The following PDE4D variants were observed in gnomAD, a reference collection of about 807,000 sequenced individuals.
The protein encoded by PDE4D is phosphodiesterase 4D.
PDE4D carries 24 observed loss-of-function variants against 87.4 expected under a neutral mutation model. The observed-to-expected ratio is 0.27, with a 90% CI of 0.20 to 0.39. The LOEUF (loss-of-function observed/expected upper bound fraction) is 0.39. PDE4D is among the 10% of genes least tolerant of loss of function. PDE4D has a pLI of 1.00. For missense variants in PDE4D, 714 were observed against 1,041.0 expected (o/e 0.69, Z 4.32); for synonymous variants, 384 against 383.2 (o/e 1.00, Z -0.02).
rs1270769526 is a variant in PDE4D, at chr5:59,385,187, A to G, written c.456-169219T>C. On this transcript the variant is annotated intron_variant, in intron 1 of 14. Coordinates refer to ENST00000340635, the MANE Select transcript of PDE4D (RefSeq NM_001104631.2). Reference sequence around the variant, plus strand: ...TTTCTAGGCCCGCTAGAAATCTGACATCCTAAGCATTCTTTCTGTTATTTC... The same window carrying G: ...TTTCTAGGCCCGCTAGAAATCTGACGTCCTAAGCATTCTTTCTGTTATTTC... 5.3e-5 allele frequency among the ~76,000 whole-genome samples: 8 copies of G among 152,188 alleles called. No homozygotes were observed. The East Asian group carries it at 1.5e-3, about 29-fold the overall frequency.
chr5:59,233,191 A>G (rs1755629631), intron 1 of PDE4D, among the ~76,000 whole-genome samples: 1 of 152,224 alleles, frequency 6.6e-6, no homozygotes, highest in African/African-American at 2.4e-5. Context: ...TCCACTACAT[A>G]GAAATGATAA....
chr5:59,414,477 G>A (rs961838089), intron 1 of PDE4D, among the ~76,000 whole-genome samples: 16 of 152,154 alleles, frequency 1.1e-4, no homozygotes, highest in African/African-American at 3.1e-4. Flanking sequence ...GAGAGGATGC[G>A]AGCCAAGGCA....
At chr5:60,484,597 A>C (rs545682178) in intron 1 of PDE4D, among the ~76,000 whole-genome samples, 59 of 152,282 alleles carry the variant, frequency 3.9e-4, no homozygotes, top group Non-Finnish European at 6.8e-4. Flanking sequence ...TATCACAGTA[A>C]ACCTATCGGT....
At chr5:60,285,946 G>A (rs1298772308) in intron 1 of PDE4D, among the ~76,000 whole-genome samples, 1 of 152,186 alleles carries the variant, frequency 6.6e-6, no homozygotes, top group Non-Finnish European at 1.5e-5. Flanking sequence ...ATTCTAAAAT[G>A]TTTCAGAGTG....
intron 1 of PDE4D, among the ~76,000 whole-genome samples, chr5:60,377,305 C>T (rs1455858463): frequency 6.6e-6 from 1 of 152,206 alleles, no homozygotes; most frequent in Non-Finnish European, 1.5e-5. Flanking sequence ...ATCGTGGACA[C>T]TCAAACATTC....
chr5:59,837,329 A>G (rs1337080703), intron 1 of PDE4D, among the ~76,000 whole-genome samples: 1 of 151,976 alleles, frequency 6.6e-6, no homozygotes, highest in African/African-American at 2.4e-5. Flanking sequence ...TGGAACTACT[A>G]TGTAGCACTT....
intron 1 of PDE4D, among the ~76,000 whole-genome samples, chr5:60,418,494 TG>T (rs1742813003): frequency 6.7e-6 from 1 of 150,074 alleles, no homozygotes; most frequent in Non-Finnish European, 1.5e-5. Flanking sequence ...TTATCTTATT[TG>T]TTTTTTTGTT....
chr5:59,448,888 G>A (rs1798733752), intron 1 of PDE4D, among the ~76,000 whole-genome samples: 1 of 152,048 alleles, frequency 6.6e-6, no homozygotes, highest in African/African-American at 2.4e-5. Flanking sequence ...TCCCGCCTTG[G>A]CCTCCCAAAG....
At chr5:59,791,745 G>T (rs145079484) in intron 1 of PDE4D, among the ~76,000 whole-genome samples, 1 of 152,252 alleles carries the variant, frequency 6.6e-6, no homozygotes, top group African/African-American at 2.4e-5. Context: ...AGGTCTAGGA[G>T]GGAGCAGACA....
chr5:59,156,320 A>AATATATATAT (rs1554082853), intron 5 of PDE4D, among the ~76,000 whole-genome samples: 1,287 of 81,498 alleles, frequency 0.016, 24 homozygotes, highest in Non-Finnish European at 0.023. Flanking sequence ...AAAAAAAAAA[A>AATATATATAT]ATATATATAT....
intron 1 of PDE4D, among the ~76,000 whole-genome samples, chr5:59,228,940 T>G (rs538105300): frequency 1.3e-5 from 2 of 152,094 alleles, no homozygotes; most frequent in South Asian, 2.1e-4. Flanking sequence ...CAATGTTACC[T>G]TCATGAGATA....
Position 60,371,080 on chromosome 5 carries a change from AT to A in PDE4D, c.-90+116861del, listed in dbSNP as rs542711284. On this transcript the variant is annotated intron_variant, in intron 1 of 16. Transcript: ENST00000502484. ...GATTAAAATGATATTGCAGCCTTAA[AT>A]TTTTTTGTACAGAGTTCTAGTGCTG... Among the ~76,000 whole-genome samples, 781 of 152,256 alleles carry A rather than the reference AT, an allele frequency of 5.1e-3. 8 individuals are homozygous for A. The highest frequency in any genetic ancestry group is 0.018 in the African/African-American group (758 of 41,556).
intron 3 of PDE4D, among the ~76,000 whole-genome samples, chr5:59,903,019 T>G (rs2152763825): frequency 6.6e-6 from 1 of 152,246 alleles, no homozygotes; most frequent in South Asian, 2.1e-4. Flanking sequence ...TGTGAAGTGG[T>G]GTGTGTAGCT....
rs776688325 is a variant in PDE4D, at chr5:59,319,158, ATATG to A, written c.456-103194_456-103191del. On this transcript the variant is annotated intron_variant, in intron 1 of 14. Transcript: ENST00000340635. Reference sequence around the variant, plus strand: ...ATTTCAAATATGAGAGAGTACATATATATGTGTGTGTGTGTGTGTGTGTGTGTGT... The same window carrying A: ...ATTTCAAATATGAGAGAGTACATATATGTGTGTGTGTGTGTGTGTGTGTGT... 4.0e-3 allele frequency among the ~76,000 whole-genome samples: 483 copies of A among 121,646 alleles called. 2 individuals carry two copies. The highest frequency in any genetic ancestry group is 0.016 in the African/African-American group (448 of 27,368). 79.8% of individuals were successfully genotyped at this position (121,646 alleles called of 152,430 possible). A position where few individuals can be genotyped will look rare whatever the true frequency, so the allele number is the denominator to read the frequency against.
chr5:59,546,386 A>G (rs954951775), intron 1 of PDE4D, among the ~76,000 whole-genome samples: 1 of 152,168 alleles, frequency 6.6e-6, no homozygotes, highest in Non-Finnish European at 1.5e-5. Context: ...CTATGGCATT[A>G]TTCGTTGCTG....
At chr5:59,542,460 G>T (rs1042725655) in intron 1 of PDE4D, among the ~76,000 whole-genome samples, 5 of 152,128 alleles carry the variant, frequency 3.3e-5, no homozygotes, top group African/African-American at 1.2e-4. Context: ...TCAAATTGAT[G>T]AACCATTTTA....
chr5:59,208,685 C>A (rs1205506984), intron 2 of PDE4D, among the ~76,000 whole-genome samples: 1 of 151,934 alleles, frequency 6.6e-6, no homozygotes, highest in Non-Finnish European at 1.5e-5. Flanking sequence ...ATTTTAAATC[C>A]CCCAGTTCAA....
chr5:59,120,895 A>C (rs1054771534), intron 5 of PDE4D, among the ~76,000 whole-genome samples: 4 of 152,238 alleles, frequency 2.6e-5, no homozygotes, highest in Non-Finnish European at 5.9e-5. Context: ...TGATAGATTT[A>C]GAGTAGACAG....
At chr5:60,206,393 G>A (rs1742530985) in intron 1 of PDE4D, among the ~76,000 whole-genome samples, 1 of 152,176 alleles carries the variant, frequency 6.6e-6, no homozygotes, top group Admixed American at 6.5e-5. Flanking sequence ...CTCTAGAAAT[G>A]GAATGATGAA....
Sources: gnomAD v4.1 joint callset for allele counts (sites outside exome capture counted in the v4.1 genomes callset) on GRCh38, gnomAD v4.1.1 for gene constraint, MANE v1.5 for transcripts, NCBI Gene and HGNC (gene_info 2026-07-23, HGNC 2026-07-21) for gene names.